Variants in SLC2A9 observed in about 807,000 individuals in gnomAD.
SLC2A9 encodes solute carrier family 2 member 9, also known as solute carrier family 2, facilitated glucose transporter member 9.
In SLC2A9, 39 loss-of-function variants were observed where a neutral mutation model predicts 50.6. The ratio of observed to expected loss-of-function variants is 0.77; its 90% CI spans 0.60 to 1.01. The LOEUF is 1.01. Ranked by LOEUF, SLC2A9 falls within the 50% of genes least tolerant of loss-of-function variation. The pLI, the probability that SLC2A9 is intolerant of heterozygous loss-of-function variation, is 0.00. For synonymous variants in SLC2A9, 324 were observed against 276.9 expected (o/e 1.17, Z -1.69); for missense variants, 686 against 677.6 (o/e 1.01, Z -0.14).
intron 10 of SLC2A9, among the ~76,000 whole-genome samples, chr4:9,860,719 C>T (rs1490243433): frequency 2.0e-5 from 3 of 152,218 alleles, no homozygotes; most frequent in African/African-American, 7.2e-5. Flanking sequence ...GACAGAGAGT[C>T]CAGTTTTCTG....
At position 10,038,597 on chromosome 4, in the gene SLC2A9, T is replaced by C. The variant is rs59319978; in HGVS notation, c.-41+1533A>G. Among the ~76,000 whole-genome samples the C allele has an allele frequency of 4.2e-3, 633 of 152,014 alleles. 20 individuals are homozygous for C. The East Asian group carries it at 0.071, about 17-fold the overall frequency. On this transcript the variant is annotated intron_variant, in intron 1 of 12. Transcript: ENST00000309065. ...AAGTGTTCCTCTATCACTTGGATTC[T>C]TCCATTAAAATAGATTTCAATCAAT...
At chr4:9,981,119 A>G (rs1196046975) in intron 4 of SLC2A9, among the ~76,000 whole-genome samples, 3 of 99,686 alleles carry the variant, frequency 3.0e-5, no homozygotes, top group East Asian at 3.4e-4. Flanking sequence ...TGGTAGTGGT[A>G]GTGATGGTAA....
At chr4:10,030,749 C>A (rs1460730917) in intron 1 of SLC2A9, among the ~76,000 whole-genome samples, 3 of 152,182 alleles carry the variant, frequency 2.0e-5, no homozygotes, top group Admixed American at 6.5e-5. Flanking sequence ...AGGCCTTTCC[C>A]ATCTTTCTGG....
chr4:9,833,250 A>C (rs1726469149), intron 11 of SLC2A9, among the ~76,000 whole-genome samples: 1 of 152,192 alleles, frequency 6.6e-6, no homozygotes, highest in South Asian at 2.1e-4. Context: ...TCCATGGCTC[A>C]TGGAGCCCCC....
intron 2 of SLC2A9, among the ~76,000 whole-genome samples, chr4:9,998,916 T>C (rs1759267215): frequency 6.6e-6 from 1 of 152,084 alleles, no homozygotes; most frequent in African/African-American, 2.4e-5. Flanking sequence ...ACAGTCTGAT[T>C]CCATGTGTAA....
At chr4:9,869,740 G>A (rs1345964497) in intron 10 of SLC2A9, among the ~76,000 whole-genome samples, 1 of 152,202 alleles carries the variant, frequency 6.6e-6, no homozygotes. Context: ...GTGTCCAATA[G>A]ACTAGGATCT....
rs145050300 is a variant in SLC2A9 at position 9,858,867 on chromosome 4, G to A, written c.1292-23859C>T. ...CTGGTTGGGCACCATCTAATCAGGT[G>A]CCAGTGCTGCTAGAATAAAGCAGGC... is the stretch of plus-strand genomic sequence containing the variant. On this transcript the variant is annotated intron_variant, in intron 10 of 11. Transcript: ENST00000264784. 2.0e-5 allele frequency among the ~76,000 whole-genome samples: 3 copies of A among 152,328 alleles called. No homozygotes were observed. The East Asian group carries it at 5.8e-4, about 29-fold the overall frequency.
intron 6 of SLC2A9, among the ~76,000 whole-genome samples, chr4:9,931,172 T>C (rs1745826055): frequency 6.6e-6 from 1 of 152,166 alleles, no homozygotes; most frequent in African/African-American, 2.4e-5. Context: ...CATTTAAAAA[T>C]AGTTCATCCA....
intron 3 of SLC2A9, among the ~76,000 whole-genome samples, chr4:9,810,976 CT>C (rs1280875044): frequency 6.6e-6 from 1 of 152,166 alleles, no homozygotes; most frequent in African/African-American, 2.4e-5. Flanking sequence ...CTTTTCCAAC[CT>C]TTTCTGGTTT....
chr4:9,979,250 A>T (rs922128950), intron 5 of SLC2A9, among the ~76,000 whole-genome samples: 1 of 152,140 alleles, frequency 6.6e-6, no homozygotes, highest in Non-Finnish European at 1.5e-5. Context: ...TATCTGAGCT[A>T]CTCACAAAGT....
At chr4:9,968,947 A>C (rs1196341604) in intron 5 of SLC2A9, among the ~76,000 whole-genome samples, 1 of 152,170 alleles carries the variant, frequency 6.6e-6, no homozygotes, top group African/African-American at 2.4e-5. Flanking sequence ...ACTCTAATTA[A>C]ATAAATGACT....
chr4:9,821,058 G>C (rs190478564), intron 3 of SLC2A9, among the ~76,000 whole-genome samples: 6 of 152,226 alleles, frequency 3.9e-5, no homozygotes, highest in Admixed American at 3.9e-4. Flanking sequence ...GATGCTAGCT[G>C]TATCTTTTTT....
intron 3 of SLC2A9, among the ~76,000 whole-genome samples, chr4:9,793,561 T>C (rs796694683): frequency 6.6e-6 from 1 of 152,196 alleles, no homozygotes; most frequent in Non-Finnish European, 1.5e-5. Context: ...TAAATACAGA[T>C]GTGCAGGGAT....
Position 10,018,454 on chromosome 4 carries a change from AT to A in SLC2A9, c.249+520del, listed in dbSNP as rs567148982. Among the ~76,000 whole-genome samples, 557 of 152,240 alleles carry A rather than the reference AT, an allele frequency of 3.7e-3. 4 individuals carry two copies. Among genetic ancestry groups the A allele is most frequent in the Non-Finnish European group, 4.7e-3 (318 of 68,014 alleles). Reference sequence around the variant, plus strand: ...TTACTCGGGAGGCTGAGGCAGAAGAATCACTTGAACGTGGGAGGCGGCGGTT... The same window carrying A: ...TTACTCGGGAGGCTGAGGCAGAAGAACACTTGAACGTGGGAGGCGGCGGTT... On this transcript the variant is annotated intron_variant, in intron 2 of 11. Coordinates refer to ENST00000264784, the MANE Select transcript of SLC2A9 (RefSeq NM_020041.3).
At chr4:9,810,359 TG>T (rs747438969) in intron 3 of SLC2A9, among the ~76,000 whole-genome samples, 8 of 152,182 alleles carry the variant, frequency 5.3e-5, no homozygotes, top group Non-Finnish European at 7.3e-5. Flanking sequence ...TCCTCTGAGA[TG>T]AAGTGGGGAC....
chr4:9,779,816 G>C (rs1718096749), exon 4 of SLC2A9: 1 of 151,844 alleles, frequency 6.6e-6, no homozygotes, highest in Non-Finnish European at 1.5e-5. Context: ...GGACATGTCA[G>C]TACTTGTTAA....
intron 1 of SLC2A9, among the ~76,000 whole-genome samples, chr4:10,028,392 G>C (rs113820384): frequency 6.6e-6 from 1 of 152,178 alleles, no homozygotes; most frequent in African/African-American, 2.4e-5. Flanking sequence ...CTGGCTCCTC[G>C]TTTGATTTAA....
chr4:9,923,364 G>A (rs1744281858), intron 6 of SLC2A9, among the ~76,000 whole-genome samples: 1 of 152,220 alleles, frequency 6.6e-6, no homozygotes, highest in Non-Finnish European at 1.5e-5. Context: ...TAACCTGTTT[G>A]TGTAAGTTCA....
At chr4:9,806,361 A>C (rs1284559896) in intron 3 of SLC2A9, among the ~76,000 whole-genome samples, 2 of 152,266 alleles carry the variant, frequency 1.3e-5, no homozygotes, top group Non-Finnish European at 1.5e-5. Flanking sequence ...TTCATGCTGC[A>C]GATAACTAGC....
Sources: gnomAD v4.1 joint callset for allele counts (sites outside exome capture counted in the v4.1 genomes callset) on GRCh38, gnomAD v4.1.1 for gene constraint, MANE v1.5 for transcripts, NCBI Gene and HGNC (gene_info 2026-07-23, HGNC 2026-07-21) for gene names.